PCDH15: variants seen among roughly 807,000 people sequenced by gnomAD.
PCDH15 encodes the protein protocadherin related 15.
In PCDH15, 129 loss-of-function variants were observed where a neutral mutation model predicts 178.5. The ratio of observed to expected loss-of-function variants is 0.72; its 90% CI spans 0.63 to 0.84. PCDH15 has a LOEUF of 0.84. PCDH15 is among the 40% of genes least tolerant of loss of function. The probability of loss-of-function intolerance (pLI) is 0.00; values close to 1 mark genes in which losing one functional copy is unlikely to be tolerated. For synonymous variants in PCDH15, 800 were observed against 732.0 expected, an observed-to-expected ratio of 1.09 and a Z score of -1.50; for missense variants, 2,230 against 2,099.9, an observed-to-expected ratio of 1.06 and a Z score of -1.21.
chr10:54,452,181 G>A (rs1215764886), intron 3 of PCDH15, among the ~76,000 whole-genome samples: 1 of 151,910 alleles, frequency 6.6e-6, no homozygotes, highest in African/African-American at 2.4e-5. Flanking sequence ...TTGGGAGGAG[G>A]TGCTTAGGGC....
chr10:54,349,204 T>C (rs540028475), intron 5 of PCDH15, among the ~76,000 whole-genome samples: 22 of 152,350 alleles, frequency 1.4e-4, no homozygotes, highest in Admixed American at 4.6e-4. Flanking sequence ...ATCTGCTTAC[T>C]GGGGTAATGT....
intron 21 of PCDH15, among the ~76,000 whole-genome samples, chr10:53,964,388 A>ATTTTATTTATTCATAAAATTTTTATAAAT (rs2088729233): frequency 6.8e-6 from 1 of 146,496 alleles, no homozygotes; most frequent in East Asian, 1.9e-4. Flanking sequence ...TTATTTATAA[A>ATTTTATTTATTCATAAAATTTTTATAAAT]TTTTATTTAT....
At position 54,813,634 on chromosome 10, in the gene PCDH15, A is replaced by G. The variant is rs572355356; in HGVS notation, c.-29+83816T>C. The stretch of plus-strand genomic sequence containing the variant: ...TAAACATTTCTCAGCTCTATTCCTT[A>G]TTTATTCTCCAACCTCTGTGTACCA... On this transcript the variant is annotated intron_variant, in intron 3 of 5. Coordinates refer to the PCDH15 transcript ENST00000458638. Among the ~76,000 whole-genome samples, 6 of 152,214 alleles carry G rather than the reference A, an allele frequency of 3.9e-5. No individual in the cohort carries two copies. In the East Asian group the frequency reaches 1.2e-3, roughly 29 times the overall value.
intron 26 of PCDH15, among the ~76,000 whole-genome samples, chr10:53,877,053 T>G (rs1418246003): frequency 6.6e-6 from 1 of 152,146 alleles, no homozygotes; most frequent in Admixed American, 6.5e-5. Context: ...GTTCCTTTTA[T>G]TATTTTAAAA....
chr10:54,749,188 A>C (rs992212925), intron 1 of PCDH15, among the ~76,000 whole-genome samples: 1 of 152,220 alleles, frequency 6.6e-6, no homozygotes, highest in African/African-American at 2.4e-5. Context: ...AATCAGCGTC[A>C]GTAACTAATC....
chr10:55,002,410 T>C (rs1183569161), intron 2 of PCDH15, among the ~76,000 whole-genome samples: 2 of 152,232 alleles, frequency 1.3e-5, no homozygotes, highest in African/African-American at 2.4e-5. Flanking sequence ...CAAGTTTGCA[T>C]TGAACCTATC....
chr10:54,785,785 C>G (rs564315647), intron 1 of PCDH15, among the ~76,000 whole-genome samples: 2 of 152,028 alleles, frequency 1.3e-5, no homozygotes, highest in African/African-American at 4.8e-5. Context: ...TCTGCAGAGA[C>G]AGACATTTTT....
At chr10:54,560,685 C>T (rs74403020) in intron 2 of PCDH15, among the ~76,000 whole-genome samples, 2,818 of 151,914 alleles carry the variant, frequency 0.019, 84 homozygotes, top group African/African-American at 0.064. Flanking sequence ...TAACTGCTTG[C>T]GTTATAGATT....
intron 12 of PCDH15, among the ~76,000 whole-genome samples, chr10:54,184,099 C>T (rs2048262531): frequency 6.6e-6 from 1 of 152,018 alleles, no homozygotes; most frequent in Non-Finnish European, 1.5e-5. Flanking sequence ...ATATTTTATA[C>T]TTTATCAATG....
chr10:54,693,713 T>C (rs1041380402), intron 1 of PCDH15, among the ~76,000 whole-genome samples: 1 of 152,074 alleles, frequency 6.6e-6, no homozygotes, highest in Non-Finnish European at 1.5e-5. Flanking sequence ...AAGTATAGGT[T>C]TGAGTTTTAG....
intron 15 of PCDH15, among the ~76,000 whole-genome samples, chr10:54,112,655 G>A (rs2095047243): frequency 6.6e-6 from 1 of 152,088 alleles, no homozygotes; most frequent in Non-Finnish European, 1.5e-5. Context: ...GGCAGGTGGA[G>A]ACATAAATAC....
At chr10:55,304,176 A>G (rs1843360574) in intron 1 of PCDH15, among the ~76,000 whole-genome samples, 1 of 151,906 alleles carries the variant, frequency 6.6e-6, no homozygotes, top group Admixed American at 6.6e-5. Flanking sequence ...TTGGTGTTTG[A>G]CTGCAGAACT....
At chr10:54,075,245 C>T (rs2094319794) in intron 17 of PCDH15, among the ~76,000 whole-genome samples, 2 of 151,894 alleles carry the variant, frequency 1.3e-5, no homozygotes, top group Admixed American at 1.3e-4. Context: ...GGCATGGTGG[C>T]AGGTGCCTGT....
At chr10:55,207,881 A>G (rs1840447993) in intron 1 of PCDH15, among the ~76,000 whole-genome samples, 1 of 152,122 alleles carries the variant, frequency 6.6e-6, no homozygotes, top group African/African-American at 2.4e-5. Context: ...AGTCAGGAGA[A>G]TCACTTGAAC....
intron 4 of PCDH15, among the ~76,000 whole-genome samples, chr10:54,372,646 A>G (rs1947842046): frequency 6.6e-6 from 1 of 151,872 alleles, no homozygotes; most frequent in Admixed American, 6.6e-5. Flanking sequence ...TTTATCTTTC[A>G]TAACTGGTGG....
At chr10:54,024,339 A>G (rs1589973021) in intron 18 of PCDH15, among the ~76,000 whole-genome samples, 2 of 152,170 alleles carry the variant, frequency 1.3e-5, no homozygotes, top group East Asian at 3.8e-4. Flanking sequence ...AAGGAAAGGA[A>G]GGAAAACAAG....
intron 3 of PCDH15, among the ~76,000 whole-genome samples, chr10:54,517,189 T>C (rs571289274): frequency 6.6e-6 from 1 of 152,026 alleles, no homozygotes; most frequent in Non-Finnish European, 1.5e-5. Context: ...CATAATGACA[T>C]GATCAAATTC....
chr10:54,937,626 TAATGC>T (rs2131859681), intron 2 of PCDH15, among the ~76,000 whole-genome samples: 1 of 152,114 alleles, frequency 6.6e-6, no homozygotes, highest in African/African-American at 2.4e-5. Flanking sequence ...TGTGAATCAC[TAATGC>T]ATAGTAATAC....
At chr10:55,619,997 C>T (rs1229019282) in intron 2 of PCDH15, among the ~76,000 whole-genome samples, 1 of 152,020 alleles carries the variant, frequency 6.6e-6, no homozygotes, top group Admixed American at 6.5e-5. Context: ...GAGTACTATT[C>T]CTTTCTTGCC....
Sources: gnomAD v4.1 joint callset for allele counts (sites outside exome capture counted in the v4.1 genomes callset) on GRCh38, gnomAD v4.1.1 for gene constraint, MANE v1.5 for transcripts, NCBI Gene and HGNC (gene_info 2026-07-23, HGNC 2026-07-21) for gene names.